Variants in MCF2L observed in about 807,000 individuals in gnomAD.
The protein encoded by MCF2L is MCF.2 cell line derived transforming sequence like.
A neutral mutation model predicts 153.4 loss-of-function variants in MCF2L; 97 were observed. The ratio of observed to expected loss-of-function variants is 0.63; its 90% CI spans 0.54 to 0.75. The LOEUF (loss-of-function observed/expected upper bound fraction) is 0.75. MCF2L is among the 30% of genes least tolerant of loss of function. The pLI, the probability that MCF2L is intolerant of heterozygous loss-of-function variation, is 0.00. For missense variants in MCF2L, 1,347 were observed against 1,495.2 expected, an observed-to-expected ratio of 0.90 and a Z score of 1.64; for synonymous variants, 659 against 632.2, an observed-to-expected ratio of 1.04 and a Z score of -0.64.
chr13:113,017,592 G>C (rs909165136), intron 2 of MCF2L, among the ~76,000 whole-genome samples: 1 of 152,226 alleles, frequency 6.6e-6, no homozygotes. Context: ...TTGGACTCAG[G>C]GTAAATCTGG....
At chr13:113,058,536 C>T (rs917595920) in intron 4 of MCF2L, among the ~76,000 whole-genome samples, 27 of 137,130 alleles carry the variant, frequency 2.0e-4, no homozygotes, top group South Asian at 4.9e-4. Flanking sequence ...AGTGTTTTGG[C>T]GCTGTGTGGG....
chr13:112,977,561 CTATT>C (rs1015007631), intron 1 of MCF2L, among the ~76,000 whole-genome samples: 15 of 152,162 alleles, frequency 9.9e-5, no homozygotes, highest in Admixed American at 9.8e-4. Context: ...ATCTTTAAAA[CTATT>C]TAGATGTTTA....
chr13:113,018,696 T>G, intron 2 of MCF2L, among the ~76,000 whole-genome samples: 1 of 152,090 alleles, frequency 6.6e-6, no homozygotes, highest in Non-Finnish European at 1.5e-5. Context: ...GGCGGGAGAA[T>G]TTACCACTGA....
intron 4 of MCF2L, among the ~76,000 whole-genome samples, chr13:113,058,550 T>TGA (rs2141726331): frequency 6.6e-6 from 1 of 151,220 alleles, no homozygotes; most frequent in East Asian, 2.0e-4. Context: ...GTGTGGGTGC[T>TGA]GAGTGTTTAG....
chr13:113,059,508 C>A (rs202191588), intron 4 of MCF2L, among the ~76,000 whole-genome samples: 1 of 152,246 alleles, frequency 6.6e-6, no homozygotes, highest in Non-Finnish European at 1.5e-5. Context: ...AGAAATCAAA[C>A]TCAGTTGCTT....
chr13:113,084,648 C>T (rs887573452), intron 18 of MCF2L: 34 of 570,158 alleles, frequency 6.0e-5, no homozygotes, highest in Non-Finnish European at 9.7e-5. Context: ...CACGCCTGTG[C>T]TCTGGGAAGT....
intron 9 of MCF2L, among the ~76,000 whole-genome samples, chr13:113,073,029 CTTTT>C (rs56397038): frequency 2.2e-5 from 3 of 137,872 alleles, no homozygotes; most frequent in South Asian, 4.6e-4. Context: ...TTTACTCCAG[CTTTT>C]TTTTTTTTTT....
rs544102223 is a variant in MCF2L at position 113,077,107 on chromosome 13, G to A, written c.1556G>A (p.Arg519His). The change falls in exon 13 of 30, where the codon CGC becomes CAC. Residue 519 changes from arginine (R) to histidine (H), a missense_variant. By Grantham distance (29) the Arg-to-His change is conservative. This residue lies in a region of MCF2L where 820 missense variants were observed against 921.2 expected (regional missense o/e 0.89). Transcript: ENST00000535094. ...KQASMEEVFH[R>H]RQASLKKLAA... ...GCAAGCATGGAGGAGGTGTTCCACC[G>A]CAGGCAGGCCAGCCTGAAGAAGCTG... 8.1e-6 allele frequency: 13 copies of A among 1,612,784 alleles called. No homozygotes were observed. The highest frequency in any genetic ancestry group is 2.7e-5 in the African/African-American group (2 of 75,054).
chr13:112,897,986 C>T (rs868002914), intron 1 of MCF2L, among the ~76,000 whole-genome samples: 78 of 152,160 alleles, frequency 5.1e-4, no homozygotes, highest in African/African-American at 1.6e-3. Flanking sequence ...GCCCCAGCCC[C>T]GGCCCCGGCC....
At chr13:113,018,254 C>T (rs2084657833) in intron 2 of MCF2L, among the ~76,000 whole-genome samples, 1 of 152,208 alleles carries the variant, frequency 6.6e-6, no homozygotes, top group Non-Finnish European at 1.5e-5. Context: ...GTCTGTCATC[C>T]GCAGACAGCA....
intron 2 of MCF2L, among the ~76,000 whole-genome samples, chr13:113,021,157 GGTGT>G (rs1475380561): frequency 1.3e-5 from 2 of 152,136 alleles, no homozygotes. Flanking sequence ...TGTGTGTGTA[GGTGT>G]GTGTCTAGCT....
chr13:113,006,493 C>G (rs1485074211), intron 1 of MCF2L, among the ~76,000 whole-genome samples: 1 of 152,214 alleles, frequency 6.6e-6, no homozygotes, highest in African/African-American at 2.4e-5. Context: ...CTGGCATGCC[C>G]TTTCTCCCTG....
rs1230682721 is a variant in MCF2L, at chr13:113,078,407, C to A, written c.1705C>A (p.Leu569Ile). ...SENSSSEGGA[L>I]RRGPYRRAKS... ...GAACTCCAGCTCCGAGGGCGGTGCG[C>A]TCCGGAGAGGGCCCTACCGGAGGGC... The change falls in exon 14 of 30, where the codon CTC (leucine) becomes ATC (isoleucine). Residue 569 changes from leucine (L) to isoleucine (I), a missense_variant. This residue lies in a region of MCF2L where 820 missense variants were observed against 921.2 expected (regional missense o/e 0.89). Transcript: ENST00000535094. The A allele has an allele frequency of 6.2e-7, 1 of 1,612,848 alleles. No individual in the cohort carries two copies. Among genetic ancestry groups the A allele is most frequent in the South Asian group, 1.1e-5 (1 of 91,004 alleles).
chr13:113,014,760 C>A lies in MCF2L; in HGVS notation c.80-3C>A. On this transcript the variant is annotated splice_polypyrimidine_tract_variant and splice_region_variant and intron_variant, in intron 1 of 29. Coordinates refer to ENST00000535094, the MANE Select transcript of MCF2L (RefSeq NM_001112732.3). ...ACACGTGCCGTCTGCTCTTTCCGTG[C>A]AGATGAAATCATGCACCAGGACATC... The A allele has an allele frequency of 6.2e-7, 1 of 1,613,590 alleles. No individual in the cohort carries two copies. Among genetic ancestry groups the A allele is most frequent in the Non-Finnish European group, 8.5e-7 (1 of 1,179,664 alleles).
rs755599209 is a variant in MCF2L at position 113,090,171 on chromosome 13, T to C, written c.2953+443T>C. 3.3e-6 allele frequency: 5 copies of C among 1,525,840 alleles called. No homozygotes were observed. The South Asian group carries it at 6.0e-5, about 18-fold the overall frequency. 94.5% of individuals were successfully genotyped at this position (1,525,840 alleles called of 1,614,324 possible). ...TCAAAGGTCAGAAAGGTAAAAGTAG[T>C]GCCTGCCCCAAACCCACCCTCACCG... On this transcript the variant is annotated intron_variant, in intron 26 of 29. Transcript: ENST00000535094.
chr13:113,090,432 T>TGGCGGG, intron 26 of MCF2L: 1 of 533,282 alleles, frequency 1.9e-6, no homozygotes, highest in Non-Finnish European at 2.4e-6. Flanking sequence ...CTCCTTCCTC[T>TGGCGGG]CCCTGCCCCC....
chr13:112,894,745 C>G (rs1176296393), intron 1 of MCF2L, among the ~76,000 whole-genome samples: 2 of 152,140 alleles, frequency 1.3e-5, no homozygotes, highest in Non-Finnish European at 2.9e-5. Context: ...GCCCTCACAC[C>G]CCGGCAGGTG....
At chr13:113,086,706 G>A (rs1326541153) in intron 21 of MCF2L, among the ~76,000 whole-genome samples, 1 of 152,036 alleles carries the variant, frequency 6.6e-6, no homozygotes, top group Non-Finnish European at 1.5e-5. Context: ...TTCATCTTTT[G>A]TCCGTCTTTA....
intron 9 of MCF2L, among the ~76,000 whole-genome samples, chr13:113,072,584 ACTAT>A (rs2033030241): frequency 6.6e-6 from 1 of 152,232 alleles, no homozygotes. Flanking sequence ...AACTATTGAA[ACTAT>A]CTGTTTCACA....
Sources: allele counts gnomAD v4.1 joint callset (sites outside exome capture counted in the v4.1 genomes callset), GRCh38; gene constraint gnomAD v4.1.1; regional missense constraint gnomAD v4.1.1; transcripts MANE v1.5; gene names NCBI Gene and HGNC (gene_info 2026-07-23, HGNC 2026-07-21).